Variants in PCDHB3 observed in about 807,000 individuals in gnomAD.
PCDHB3 encodes the protein protocadherin beta 3.
For missense variants in PCDHB3, 967 were observed against 1,012.1 expected (o/e 0.96, Z 0.60); for synonymous variants, 479 against 456.0 (o/e 1.05, Z -0.64).
rs1282057007 is a variant in PCDHB3 at position 141,102,729 on chromosome 5, T to C, written c.2080T>C (p.Leu694=). 1 of 1,611,816 alleles carries C rather than the reference T, an allele frequency of 6.2e-7. No individual in the cohort carries two copies. The highest frequency in any genetic ancestry group is 8.5e-7 in the Non-Finnish European group (1 of 1,179,694). The change falls in exon 1 of 1, where the codon TTG becomes CTG. Residue 694 remains leucine (L), a synonymous_variant. Transcript: ENST00000231130. ...GCTCACCGTCTACCTGGTGGTGGCATTGGCCTCGGTGTCTTCGCTCTTCCT... is the reference window on the plus strand; with the variant it reads ...GCTCACCGTCTACCTGGTGGTGGCACTGGCCTCGGTGTCTTCGCTCTTCCT... ...DLLTVYLVVA[L]ASVSSLFLFS... is the part of the protein sequence containing the mutation.
chr5:141,103,826 AACTG>A (rs1400715535), exon 1 of PCDHB3: 2 of 152,224 alleles, frequency 1.3e-5, no homozygotes, highest in Non-Finnish European at 2.9e-5. Context: ...CCATTTAAAA[AACTG>A]ACTGTTCTTT....
In PCDHB3 at chr5:141,100,720, C is replaced by A. The variant is rs1751915277; in HGVS notation, c.71C>A (p.Ser24Tyr). 1.2e-6 allele frequency: 2 copies of A among 1,613,880 alleles called. No individual in the cohort carries two copies. Among genetic ancestry groups the A allele is most frequent in the African/African-American group, 2.7e-5 (2 of 74,962 alleles). Residue 24 changes from serine to tyrosine, a missense_variant, in exon 1 of 1, where the codon TCT becomes TAT. Transcript: ENST00000231130. ...VLLLFVFLGG[S>Y]LAGSESRRYS... Reference sequence around the variant, plus strand: ...CTTCTCTTTGTTTTTCTGGGAGGGTCTCTGGCTGGGTCCGAGTCAAGACGC... The same window carrying A: ...CTTCTCTTTGTTTTTCTGGGAGGGTATCTGGCTGGGTCCGAGTCAAGACGC...
chr5:141,101,075 C>G lies in PCDHB3; in HGVS notation c.426C>G (p.Ile142Met), dbSNP rs782273521. 1.2e-6 allele frequency: 2 copies of G among 1,614,180 alleles called. No homozygotes were observed. Among genetic ancestry groups the G allele is most frequent in the African/African-American group, 1.3e-5 (1 of 75,038 alleles). The stretch of plus-strand genomic sequence containing the variant: ...TTGAAAATGAAATGCATCTGAAAAT[C>G]CTAGAAAGCACTCTGCCAGGAACAG... ...VFFENEMHLKILESTLPGTVI... is the reference protein window; with the variant it reads ...VFFENEMHLKMLESTLPGTVI... The change falls in exon 1 of 1, where the codon ATC (isoleucine) becomes ATG (methionine). Residue 142 changes from isoleucine to methionine, a missense_variant. Ile to Met is a conservative substitution (Grantham distance 10). Transcript: ENST00000231130.
chr5:141,101,424 T>C lies in PCDHB3; in HGVS notation c.775T>C (p.Ser259Pro), dbSNP rs1554272294. 6.2e-7 allele frequency: 1 copy of C among 1,614,210 alleles called. No homozygotes were observed. Among genetic ancestry groups the C allele is most frequent in the South Asian group, 1.1e-5 (1 of 91,086 alleles). ...VAVLENTPVN[S>P]VIVTVSASDL... is the part of the protein sequence containing the mutation. The stretch of plus-strand genomic sequence containing the variant: ...AGTTCTAGAGAATACCCCCGTTAAC[T>C]CTGTCATTGTCACTGTCTCGGCTTC... Residue 259 changes from serine (S) to proline (P), a missense_variant, in exon 1 of 1, where the codon TCT (serine) becomes CCT (proline). Transcript: ENST00000231130.
At position 141,103,163 on chromosome 5, in the gene PCDHB3, A is replaced by C. The variant is rs1752005725; in HGVS notation, c.*123A>C. On this transcript the variant is annotated 3_prime_UTR_variant, in exon 1 of 1. Transcript: ENST00000231130. ...AAGGCAAGTAGCAAGAATAGAGCAA[A>C]ATATCAAATCCAGGGATGGCTTAGG... 3 of 1,138,068 alleles carry C rather than the reference A, an allele frequency of 2.6e-6. No homozygotes were observed. The highest frequency in any genetic ancestry group is 1.3e-6 in the Non-Finnish European group (1 of 798,740). 70.5% of individuals were successfully genotyped at this position (1,138,068 alleles called of 1,614,324 possible). A position where few individuals can be genotyped will look rare whatever the true frequency, so the allele number is the denominator to read the frequency against.
rs1445268588 is a variant in PCDHB3, at chr5:141,101,035, A to G, written c.386A>G (p.His129Arg). ...NELRIIDVNDHSPVFFENEMH... is the reference protein window; with the variant it reads ...NELRIIDVNDRSPVFFENEMH... ...CTCCGTATCATAGATGTAAATGACC[A>G]TTCTCCGGTATTCTTTGAAAATGAA... The change falls in exon 1 of 1, where the codon CAT (histidine) becomes CGT (arginine). Residue 129 changes from histidine (H) to arginine (R), a missense_variant. By Grantham distance (29) the His-to-Arg change is conservative. Coordinates refer to ENST00000231130, the MANE Select transcript of PCDHB3 (RefSeq NM_018937.5). The G allele has an allele frequency of 6.2e-7, 1 of 1,614,206 alleles. No homozygotes were observed. Among genetic ancestry groups the G allele is most frequent in the East Asian group, 2.2e-5 (1 of 44,884 alleles).
chr5:141,101,221 A>G lies in PCDHB3; in HGVS notation c.572A>G (p.Tyr191Cys). The G allele has an allele frequency of 6.2e-7, 1 of 1,614,158 alleles. No homozygotes were observed. Residue 191 changes from tyrosine (Y) to cysteine (C), a missense_variant, in exon 1 of 1, where the codon TAC (tyrosine) becomes TGC (cysteine). By Grantham distance (194) the Tyr-to-Cys change is radical. Transcript: ENST00000231130. ...LTRSRRDGRK[Y>C]PELVLDKALD... ...CGCAGTCGTAGGGACGGAAGGAAGT[A>G]CCCGGAACTAGTACTGGATAAAGCG...
rs1251485802 is a variant in PCDHB3 at position 141,102,266 on chromosome 5, G to A, written c.1617G>A (p.Pro539=). 2.1e-5 allele frequency: 34 copies of A among 1,611,988 alleles called. No homozygotes were observed. The highest frequency in any genetic ancestry group is 2.7e-5 in the Non-Finnish European group (32 of 1,179,814). The part of the protein sequence containing the change: ...FRVGATDRGS[P]ALSSEALVRV... ...TGGGCGCCACAGACCGTGGCTCCCC[G>A]GCTTTGAGCAGCGAGGCGCTGGTGC... Residue 539 remains proline, a synonymous_variant, in exon 1 of 1, where the codon CCG becomes CCA. Transcript: ENST00000231130.
Position 141,101,033 on chromosome 5 carries a change from C to A in PCDHB3, c.384C>A (p.Asp128Glu), listed in dbSNP as rs1554272168. ...AGCTCCGTATCATAGATGTAAATGA[C>A]CATTCTCCGGTATTCTTTGAAAATG... ...TNELRIIDVNDHSPVFFENEM... is the reference protein window; with the variant it reads ...TNELRIIDVNEHSPVFFENEM... The change falls in exon 1 of 1, where the codon GAC (aspartate) becomes GAA (glutamate). Residue 128 changes from aspartate to glutamate, a missense_variant. Asp to Glu is a conservative substitution (Grantham distance 45). Transcript: ENST00000231130. The A allele has an allele frequency of 6.2e-7, 1 of 1,614,148 alleles. No individual in the cohort carries two copies. The highest frequency in any genetic ancestry group is 1.7e-5 in the Admixed American group (1 of 60,024).
Position 141,102,629 on chromosome 5 carries a change from G to T in PCDHB3, c.1980G>T (p.Val660=), listed in dbSNP as rs17844401. The T allele has an allele frequency of 6.2e-7, 1 of 1,609,896 alleles. No individual in the cohort carries two copies. Among genetic ancestry groups the T allele is most frequent in the Non-Finnish European group, 8.5e-7 (1 of 1,179,752 alleles). The change falls in exon 1 of 1, where the codon GTG becomes GTT. Residue 660 remains valine, a synonymous_variant. Coordinates refer to ENST00000231130, the MANE Select transcript of PCDHB3 (RefSeq NM_018937.5). ...PPRSATATLH[V]LLVDGFSQPY... Reference sequence around the variant, plus strand: ...GCTCGGCCACCGCCACGCTGCATGTGCTCCTGGTGGACGGCTTCTCCCAGC... The same window carrying T: ...GCTCGGCCACCGCCACGCTGCATGTTCTCCTGGTGGACGGCTTCTCCCAGC...
In PCDHB3 at chr5:141,101,738, T is replaced by C; in HGVS notation, c.1089T>C (p.Thr363=). The C allele has an allele frequency of 1.2e-6, 2 of 1,614,056 alleles. No homozygotes were observed. The highest frequency in any genetic ancestry group is 1.7e-6 in the Non-Finnish European group (2 of 1,179,996). The stretch of plus-strand genomic sequence containing the variant: ...CTATTCCTGAGAACTCGGGAGAGAC[T>C]GTACTGGCTGTTTTCAGTGTTTCTG... The part of the protein sequence containing the change: ...NSPIPENSGE[T]VLAVFSVSDL... The change falls in exon 1 of 1, where the codon ACT becomes ACC. Residue 363 remains threonine, a synonymous_variant. Coordinates refer to ENST00000231130, the MANE Select transcript of PCDHB3 (RefSeq NM_018937.5).
chr5:141,102,299 G>A lies in PCDHB3; in HGVS notation c.1650G>A (p.Leu550=), dbSNP rs868976067. 1 of 1,611,724 alleles carries A rather than the reference G, an allele frequency of 6.2e-7. No individual in the cohort carries two copies. Among genetic ancestry groups the A allele is most frequent in the South Asian group, 1.1e-5 (1 of 90,976 alleles). The change falls in exon 1 of 1, where the codon CTG becomes CTA. Residue 550 remains leucine, a synonymous_variant. Transcript: ENST00000231130. ...GCAGCGAGGCGCTGGTGCGCGTGCT[G>A]GTGCTGGACGCCAACGACAACTCGC... ...ALSSEALVRV[L]VLDANDNSPF... is the part of the protein sequence containing the mutation.
Position 141,102,791 on chromosome 5 carries a change from C to T in PCDHB3, c.2142C>T (p.Cys714=), listed in dbSNP as rs782774697. Residue 714 remains cysteine, a synonymous_variant, in exon 1 of 1, where the codon TGC becomes TGT. Transcript: ENST00000231130. The part of the protein sequence containing the change: ...SVLLFVAVRL[C]RRSRAASVGR... ...TCCTGTTCGTGGCGGTGCGGCTGTGCAGGAGGAGCAGGGCGGCCTCGGTGG... is the reference window on the plus strand; with the variant it reads ...TCCTGTTCGTGGCGGTGCGGCTGTGTAGGAGGAGCAGGGCGGCCTCGGTGG... The T allele has an allele frequency of 7.4e-6, 12 of 1,612,116 alleles. No individual in the cohort carries two copies. Among genetic ancestry groups the T allele is most frequent in the Non-Finnish European group, 1.0e-5 (12 of 1,179,810 alleles).
chr5:141,102,528 G>T lies in PCDHB3; in HGVS notation c.1879G>T (p.Ala627Ser), dbSNP rs376298783. ...VWAHNGEVRT[A>S]RLLSERDAAK... ...GGCGCACAATGGCGAAGTGCGCACC[G>T]CCAGGCTGCTGAGCGAGCGCGACGC... The change falls in exon 1 of 1, where the codon GCC (alanine) becomes TCC (serine). Residue 627 changes from alanine (A) to serine (S), a missense_variant. By Grantham distance (99) the Ala-to-Ser change is moderately conservative. Coordinates refer to ENST00000231130, the MANE Select transcript of PCDHB3 (RefSeq NM_018937.5). 3 of 1,608,518 alleles carry T rather than the reference G, an allele frequency of 1.9e-6. No homozygotes were observed. The highest frequency in any genetic ancestry group is 2.2e-5 in the East Asian group (1 of 44,860).
In PCDHB3 at chr5:141,100,829, C is replaced by T. The variant is rs1751918703; in HGVS notation, c.180C>T (p.Ala60=). 6.2e-7 allele frequency: 1 copy of T among 1,613,998 alleles called. No individual in the cohort carries two copies. The highest frequency in any genetic ancestry group is 8.5e-7 in the Non-Finnish European group (1 of 1,180,006). The change falls in exon 1 of 1, where the codon GCC becomes GCT. Residue 60 remains alanine, a synonymous_variant. Coordinates refer to ENST00000231130, the MANE Select transcript of PCDHB3 (RefSeq NM_018937.5). ...KDLGLRVEEL[A]ARGAQVVSKG... The stretch of plus-strand genomic sequence containing the variant: ...TGGGACTAAGGGTAGAGGAACTGGC[C>T]GCGAGGGGGGCCCAAGTTGTGTCCA...
rs1334818380 is a variant in PCDHB3, at chr5:141,101,250, G to T, written c.601G>T (p.Asp201Tyr). The T allele has an allele frequency of 6.2e-7, 1 of 1,614,118 alleles. No individual in the cohort carries two copies. Among genetic ancestry groups the T allele is most frequent in the South Asian group, 1.1e-5 (1 of 91,082 alleles). The part of the protein sequence containing the change: ...YPELVLDKAL[D>Y]PEEQPELSLT... ...GGAACTAGTACTGGATAAAGCGCTC[G>T]ATCCGGAGGAGCAGCCGGAACTCAG... The change falls in exon 1 of 1, where the codon GAT (aspartate) becomes TAT (tyrosine). Residue 201 changes from aspartate to tyrosine, a missense_variant. Transcript: ENST00000231130.
Position 141,101,791 on chromosome 5 carries a change from TG to T in PCDHB3, c.1143del (p.Met382CysfsTer12). 6.2e-7 allele frequency: 1 copy of T among 1,613,958 alleles called. No individual in the cohort carries two copies. Reference protein sequence around the residue: ...SDLDSGDNGRVMCSIENNLPF... With the variant: ...SDLDSGDNGRXMCSIENNLPF... ...CTAGACTCTGGAGACAACGGAAGAG[TG>T]ATGTGTTCCATTGAGAACAATCTCC... On this transcript the variant is annotated frameshift_variant, in exon 1 of 1. Transcript: ENST00000231130. LOFTEE classifies it low-confidence loss of function (END_TRUNC).
At position 141,101,872 on chromosome 5, in the gene PCDHB3, C is replaced by G. The variant is rs1272425852; in HGVS notation, c.1223C>G (p.Ala408Gly). The G allele has an allele frequency of 6.2e-7, 1 of 1,614,028 alleles. No homozygotes were observed. Among genetic ancestry groups the G allele is most frequent in the African/African-American group, 1.3e-5 (1 of 74,906 alleles). The change falls in exon 1 of 1, where the codon GCG becomes GGG. Residue 408 changes from alanine (A) to glycine (G), a missense_variant. Ala to Gly is a moderately conservative substitution (Grantham distance 60). Transcript: ENST00000231130. ...TTTTACACCCTAGTGTCAGAAGGCG[C>G]GCTGGACAGAGAGACCAGATCCGAG... ...ENFYTLVSEG[A>G]LDRETRSEYN...
rs782738597 is a variant in PCDHB3, at chr5:141,102,173, G to A, written c.1524G>A (p.Ala508=). The A allele has an allele frequency of 3.7e-6, 6 of 1,612,936 alleles. No individual in the cohort carries two copies. The Admixed American group carries it at 6.7e-5, about 18-fold the overall frequency. The change falls in exon 1 of 1, where the codon GCG becomes GCA. Residue 508 remains alanine (A), a synonymous_variant. Transcript: ENST00000231130. ...TCTCTTCCCTGGTCTCCATCAACGC[G>A]GACAACGGCCACCTGTTTGCCCTCA... ...LPLSSLVSIN[A]DNGHLFALRS...
Sources: gnomAD v4.1 joint callset for allele counts on GRCh38, gnomAD v4.1.1 for gene constraint, MANE v1.5 for transcripts, NCBI Gene and HGNC (gene_info 2026-07-23, HGNC 2026-07-21) for gene names.